The following PAQR8 variants were observed in gnomAD, a reference collection of about 807,000 sequenced individuals.
PAQR8 encodes the protein membrane progestin receptor beta.
A neutral mutation model predicts 25.2 loss-of-function variants in PAQR8; 17 were observed. The observed-to-expected ratio is 0.67, with a 90% CI of 0.46 to 1.01. The LOEUF (loss-of-function observed/expected upper bound fraction) is 1.01, where lower values mean the gene tolerates loss of function less well. Among genes scored for constraint, PAQR8 ranks in the 50% least tolerant of loss-of-function variants. The pLI, the probability that PAQR8 is intolerant of heterozygous loss-of-function variation, is 0.00. For synonymous variants in PAQR8, 204 were observed against 190.6 expected, an observed-to-expected ratio of 1.07 and a Z score of -0.58; for missense variants, 392 against 448.4, an observed-to-expected ratio of 0.87 and a Z score of 1.14.
intron 1 of PAQR8, among the ~76,000 whole-genome samples, chr6:52,388,763 C>CA (rs1334630022): frequency 5.3e-5 from 8 of 152,184 alleles, no homozygotes; most frequent in Non-Finnish European, 1.0e-4. Context: ...TTACAGCACC[C>CA]TGAATGGACA....
intron 1 of PAQR8, among the ~76,000 whole-genome samples, chr6:52,385,760 A>T (rs975381244): frequency 1.3e-5 from 2 of 152,060 alleles, no homozygotes; most frequent in Non-Finnish European, 1.5e-5. Context: ...TGGTGTGCGC[A>T]GGTAGTCCCA....
In PAQR8 at chr6:52,389,035, G is replaced by A. The variant is rs569298905; in HGVS notation, c.-52-14127G>A. ...ATTTTACATTATGTTTCTCTGCCTGGCCCCTCCTTTTCCTAAGTCTTTGCT... is the reference window on the plus strand; with the variant it reads ...ATTTTACATTATGTTTCTCTGCCTGACCCCTCCTTTTCCTAAGTCTTTGCT... On this transcript the variant is annotated intron_variant, in intron 1 of 1. Coordinates refer to ENST00000442253, the MANE Select transcript of PAQR8 (RefSeq NM_133367.5). Among the ~76,000 whole-genome samples the A allele has an allele frequency of 5.9e-4, 90 of 152,280 alleles. 1 individual carries two copies. Among genetic ancestry groups the A allele is most frequent in the African/African-American group, 2.1e-3 (86 of 41,558 alleles).
intron 1 of PAQR8, among the ~76,000 whole-genome samples, chr6:52,378,585 G>A (rs1261408950): frequency 2.0e-5 from 3 of 152,096 alleles, no homozygotes; most frequent in Non-Finnish European, 4.4e-5. Context: ...GAGGTCAGGA[G>A]TTCAAGACCA....
rs376825016 is a variant in PAQR8, at chr6:52,394,932, TA to T, written c.-52-8220del. ...TTTTACCCCATTTTTCTCTTTCCAT[TA>T]AAAAAAAAATTTGAAAGGCGCTTCT... On this transcript the variant is annotated intron_variant, in intron 1 of 1. Transcript: ENST00000442253. Among the ~76,000 whole-genome samples, 174 of 149,148 alleles carry T rather than the reference TA, an allele frequency of 1.2e-3. 1 individual carries two copies. Among genetic ancestry groups the T allele is most frequent in the African/African-American group, 3.9e-3 (159 of 40,892 alleles).
In PAQR8 at chr6:52,404,453, A is replaced by G; in HGVS notation, c.*175A>G. 1 of 644,488 alleles carries G rather than the reference A, an allele frequency of 1.6e-6. No individual in the cohort carries two copies. Among genetic ancestry groups the G allele is most frequent in the Non-Finnish European group, 2.6e-6 (1 of 377,816 alleles). The allele number at this position is 644,488 out of a possible 1,614,324, so 39.9% of individuals were successfully genotyped here. ...TTTAAGAGTTTTGTTGTTGTTAATAAAAGGAATACTCCTTTTCCTTTTGGA... is the reference window on the plus strand; with the variant it reads ...TTTAAGAGTTTTGTTGTTGTTAATAGAAGGAATACTCCTTTTCCTTTTGGA... On this transcript the variant is annotated 3_prime_UTR_variant, in exon 2 of 2. Transcript: ENST00000442253.
chr6:52,388,372 T>G (rs1763657367), intron 1 of PAQR8, among the ~76,000 whole-genome samples: 1 of 149,024 alleles, frequency 6.7e-6, no homozygotes, highest in African/African-American at 2.5e-5. Flanking sequence ...CAAGACCCTG[T>G]GTCAGGAAAA....
chr6:52,373,005 C>T (rs948266797), intron 1 of PAQR8, among the ~76,000 whole-genome samples: 8 of 152,176 alleles, frequency 5.3e-5, no homozygotes, highest in Non-Finnish European at 1.0e-4. Context: ...ATCCAAGTTG[C>T]CTAACTCCAA....
chr6:52,365,535 G>A (rs1763342234), intron 1 of PAQR8, among the ~76,000 whole-genome samples: 1 of 152,148 alleles, frequency 6.6e-6, no homozygotes, highest in African/African-American at 2.4e-5. Context: ...CACATCATGA[G>A]TGCTCAACAG....
chr6:52,383,242 G>A (rs1763584778), intron 1 of PAQR8, among the ~76,000 whole-genome samples: 1 of 152,222 alleles, frequency 6.6e-6, no homozygotes, highest in South Asian at 2.1e-4. Context: ...CTACATACTT[G>A]AAATATTTCA....
intron 1 of PAQR8, among the ~76,000 whole-genome samples, chr6:52,374,823 T>G (rs984410363): frequency 1.3e-5 from 2 of 152,058 alleles, no homozygotes; most frequent in Non-Finnish European, 2.9e-5. Context: ...CATAGAGTTC[T>G]AGAAGATGGT....
rs956113620 is a variant in PAQR8 at position 52,403,834 on chromosome 6, C to T, written c.621C>T (p.Val207=). ...ATCGTTACCGGAGGCCTTATCCAGT[C>T]ATGAGGAAGATCTGTCAAGTGGTGC... The part of the protein sequence containing the change: ...AKYRYRRPYP[V]MRKICQVVPA... The change falls in exon 2 of 2, where the codon GTC becomes GTT. Residue 207 remains valine (V), a synonymous_variant. Coordinates refer to ENST00000442253, the MANE Select transcript of PAQR8 (RefSeq NM_133367.5). The T allele has an allele frequency of 1.9e-6, 3 of 1,614,116 alleles. No homozygotes were observed. Among genetic ancestry groups the T allele is most frequent in the Non-Finnish European group, 2.5e-6 (3 of 1,180,056 alleles).
intron 1 of PAQR8, among the ~76,000 whole-genome samples, chr6:52,396,854 C>T (rs974677826): frequency 6.6e-6 from 1 of 152,100 alleles, no homozygotes; most frequent in African/African-American, 2.4e-5. Flanking sequence ...GGGGGACATT[C>T]TTTTGGACAC....
chr6:52,372,193 T>C (rs1161281922), intron 1 of PAQR8, among the ~76,000 whole-genome samples: 1 of 152,224 alleles, frequency 6.6e-6, no homozygotes, highest in Non-Finnish European at 1.5e-5. Flanking sequence ...TTGGAAATGC[T>C]TAGCTTTTGG....
At chr6:52,382,403 A>G (rs888738310) in intron 1 of PAQR8, among the ~76,000 whole-genome samples, 5 of 152,210 alleles carry the variant, frequency 3.3e-5, no homozygotes, top group African/African-American at 7.2e-5. Context: ...ACTAGACTGC[A>G]GCCTAGGGTG....
chr6:52,406,141 C>A lies in PAQR8; in HGVS notation c.*1863C>A. ...ACAAATTTATGGCAAATAAAATTAG[C>A]AAAACTGAACTGGGTTGAACTGAAC... is the stretch of plus-strand genomic sequence containing the variant. On this transcript the variant is annotated 3_prime_UTR_variant, in exon 2 of 2. Coordinates refer to ENST00000442253, the MANE Select transcript of PAQR8 (RefSeq NM_133367.5). 5.2e-6 allele frequency: 1 copy of A among 193,500 alleles called. No homozygotes were observed. Among genetic ancestry groups the A allele is most frequent in the Non-Finnish European group, 1.2e-5 (1 of 86,020 alleles). 12.0% of individuals were successfully genotyped at this position (193,500 alleles called of 1,614,324 possible).
At chr6:52,388,738 G>A (rs780030995) in intron 1 of PAQR8, among the ~76,000 whole-genome samples, 1 of 152,174 alleles carries the variant, frequency 6.6e-6, no homozygotes, top group Non-Finnish European at 1.5e-5. Context: ...AAGCCACCTA[G>A]TCTTTGATAT....
At chr6:52,378,803 G>A (rs1263656850) in intron 1 of PAQR8, among the ~76,000 whole-genome samples, 1 of 135,908 alleles carries the variant, frequency 7.4e-6, no homozygotes, top group Non-Finnish European at 1.6e-5. Context: ...AAAAAAGGGG[G>A]GGAAGAAAAT....
intron 1 of PAQR8, among the ~76,000 whole-genome samples, chr6:52,368,941 T>G (rs1029358629): frequency 6.6e-6 from 1 of 152,136 alleles, no homozygotes; most frequent in Non-Finnish European, 1.5e-5. Context: ...TCTCGAGATC[T>G]GATGGTTTTT....
At chr6:52,364,507 C>G (rs1309541517) in intron 1 of PAQR8, among the ~76,000 whole-genome samples, 1 of 152,312 alleles carries the variant, frequency 6.6e-6, no homozygotes, top group Non-Finnish European at 1.5e-5. Context: ...CAGTATTTCT[C>G]CCCTTCAAAA....
Sources: allele counts gnomAD v4.1 joint callset (sites outside exome capture counted in the v4.1 genomes callset), GRCh38; gene constraint gnomAD v4.1.1; transcripts MANE v1.5; gene names NCBI Gene and HGNC (gene_info 2026-07-23, HGNC 2026-07-21).